The following PRKAR1B variants were observed in gnomAD, a reference collection of about 807,000 sequenced individuals.
The protein encoded by PRKAR1B is protein kinase cAMP-dependent type I regulatory subunit beta, also known as cAMP-dependent protein kinase type I-beta regulatory subunit.
A neutral mutation model predicts 46.5 loss-of-function variants in PRKAR1B; 22 were observed. The observed-to-expected ratio is 0.47, with a 90% CI of 0.34 to 0.68. The LOEUF (loss-of-function observed/expected upper bound fraction) is 0.68. Ranked by LOEUF, PRKAR1B falls within the 30% of genes least tolerant of loss-of-function variation. The probability of loss-of-function intolerance (pLI) is 0.01; values close to 1 mark genes in which losing one functional copy is unlikely to be tolerated. For missense variants in PRKAR1B, 445 were observed against 535.6 expected (o/e 0.83, Z 1.67); for synonymous variants, 259 against 217.7 (o/e 1.19, Z -1.67).
intron 4 of PRKAR1B, among the ~76,000 whole-genome samples, chr7:655,891 T>C (rs1194889346): frequency 6.6e-6 from 1 of 152,112 alleles, no homozygotes; most frequent in Non-Finnish European, 1.5e-5. Flanking sequence ...ACTTCCTGGG[T>C]CCATTGGGGA....
chr7:673,412 G>A lies in PRKAR1B; in HGVS notation c.440+3817C>T, dbSNP rs571290981. Among the ~76,000 whole-genome samples the A allele has an allele frequency of 4.6e-5, 7 of 152,216 alleles. No homozygotes were observed. In the East Asian group the frequency reaches 1.4e-3, roughly 29 times the overall value. ...CGCCTGTAATCCCAGCACTTTGGGAGGCCGAGGAGAGTGGATCACAAGGTC... is the reference window on the plus strand; with the variant it reads ...CGCCTGTAATCCCAGCACTTTGGGAAGCCGAGGAGAGTGGATCACAAGGTC... On this transcript the variant is annotated intron_variant, in intron 4 of 10. Transcript: ENST00000537384.
chr7:610,986 A>C (rs1782447585), intron 4 of PRKAR1B, among the ~76,000 whole-genome samples: 1 of 152,144 alleles, frequency 6.6e-6, no homozygotes, highest in African/African-American at 2.4e-5. Flanking sequence ...AAAAACACGA[A>C]GACATTCCAG....
intron 9 of PRKAR1B, among the ~76,000 whole-genome samples, chr7:573,504 C>T (rs999275804): frequency 6.6e-6 from 1 of 152,094 alleles, no homozygotes; most frequent in Non-Finnish European, 1.5e-5. Context: ...AGCATCTGAC[C>T]CCAGCACCCC....
intron 7 of PRKAR1B, among the ~76,000 whole-genome samples, chr7:595,288 T>C (rs748207448): frequency 8.5e-5 from 13 of 152,104 alleles, no homozygotes; most frequent in African/African-American, 2.4e-4. Flanking sequence ...AATGCCACCT[T>C]ATCAGGGGGG....
chr7:565,409 G>A (rs144994339), intron 9 of PRKAR1B: 19 of 152,356 alleles, frequency 1.2e-4, no homozygotes, highest in Non-Finnish European at 2.4e-4. Context: ...CCCTCATGAA[G>A]CAATGCATTC....
intron 8 of PRKAR1B, among the ~76,000 whole-genome samples, chr7:584,071 C>T (rs1012606466): frequency 1.3e-5 from 2 of 152,162 alleles, no homozygotes; most frequent in African/African-American, 2.4e-5. Context: ...AGGGCAGAGG[C>T]GGCTCCCAGA....
chr7:600,773 G>A (rs1182004205), intron 6 of PRKAR1B, among the ~76,000 whole-genome samples: 1 of 152,340 alleles, frequency 6.6e-6, no homozygotes, highest in Middle Eastern at 3.4e-3. Flanking sequence ...GGGAAGAGTC[G>A]AGCCCCAAAC....
At chr7:588,595 CGGTGGTGATGGTGAT>C (rs1381177668) in intron 7 of PRKAR1B, among the ~76,000 whole-genome samples, 29 of 24,010 alleles carry the variant, frequency 1.2e-3, no homozygotes, top group South Asian at 2.0e-3. Context: ...GTGGTGATGA[CGGTGGTGATGGTGAT>C]GGTGGTGATG....
chr7:644,587 G>A lies in PRKAR1B; in HGVS notation c.440+32642C>T, dbSNP rs764143499. ...TGAGGGGGCACCAGTCTGGCCATGC[G>A]AGTGCCCACAACTGGAAGGAAGCAA... On this transcript the variant is annotated intron_variant, in intron 4 of 10. Transcript: ENST00000537384. The surrounding 1 kb of genome is among the most constrained non-coding windows in gnomAD (Gnocchi z 4.9). 1.3e-5 allele frequency among the ~76,000 whole-genome samples: 2 copies of A among 152,166 alleles called. No homozygotes were observed. The highest frequency in any genetic ancestry group is 4.8e-5 in the African/African-American group (2 of 41,432).
At chr7:697,920 AGGG>A (rs1779835764) in intron 2 of PRKAR1B, among the ~76,000 whole-genome samples, 12 of 52,208 alleles carry the variant, frequency 2.3e-4, no homozygotes, top group African/African-American at 9.1e-4. Context: ...AAGGGAGGGG[AGGG>A]GAGGGGAGGG....
At chr7:572,406 G>T (rs1036097294) in intron 9 of PRKAR1B, among the ~76,000 whole-genome samples, 1 of 152,180 alleles carries the variant, frequency 6.6e-6, no homozygotes, top group South Asian at 2.1e-4. Flanking sequence ...ACCCAGGAGG[G>T]GCCTGCTCCT....
chr7:695,651 G>A (rs1779690253), intron 2 of PRKAR1B, among the ~76,000 whole-genome samples: 1 of 151,588 alleles, frequency 6.6e-6, no homozygotes, highest in Non-Finnish European at 1.5e-5. Flanking sequence ...GGTCAATAGG[G>A]CTTGTTTTTT....
In PRKAR1B at chr7:680,609, C is replaced by T. The variant is rs757483222; in HGVS notation, c.295G>A (p.Gly99Ser). ...PVVKARRRRGGVSAEVYTEED... is the reference protein window; with the variant it reads ...PVVKARRRRGSVSAEVYTEED... ...TCGGTGTACACCTCGGCACTCACGC[C>T]TCCTCGCCGGCGGCGGGCCTTCACC... The change falls in exon 3 of 11, where the codon GGC (glycine) becomes AGC (serine). Residue 99 changes from glycine to serine, a missense_variant. Physicochemically the swap from Gly to Ser is moderately conservative, Grantham distance 56. Transcript: ENST00000537384. 1.2e-6 allele frequency: 2 copies of T among 1,613,254 alleles called. No homozygotes were observed. Among genetic ancestry groups the T allele is most frequent in the Non-Finnish European group, 8.5e-7 (1 of 1,179,860 alleles).
At chr7:641,051 C>G (rs1328645005) in intron 4 of PRKAR1B, among the ~76,000 whole-genome samples, 1 of 152,040 alleles carries the variant, frequency 6.6e-6, no homozygotes, top group Non-Finnish European at 1.5e-5. Flanking sequence ...CTCCCGGGTT[C>G]ACGCCATTCT....
rs1156878205 is a variant in PRKAR1B at position 560,660 on chromosome 7, C to A, written c.892-9190G>T. Among the ~76,000 whole-genome samples the A allele has an allele frequency of 6.6e-6, 1 of 152,188 alleles. No individual in the cohort carries two copies. Among genetic ancestry groups the A allele is most frequent in the Non-Finnish European group, 1.5e-5 (1 of 68,032 alleles). On this transcript the variant is annotated intron_variant, in intron 9 of 10. Transcript: ENST00000537384. The surrounding 1 kb of genome is among the most constrained non-coding windows in gnomAD (Gnocchi z 4.2). Reference sequence around the variant, plus strand: ...CAGCCTCAGCTCTGCAATGCACCAGCCAGTCTCAGGCAAGGCCCATAGCTG... The same window carrying A: ...CAGCCTCAGCTCTGCAATGCACCAGACAGTCTCAGGCAAGGCCCATAGCTG...
intron 8 of PRKAR1B, among the ~76,000 whole-genome samples, chr7:583,380 T>G (rs1221180035): frequency 1.9e-5 from 1 of 52,740 alleles, no homozygotes; most frequent in African/African-American, 8.2e-5. Context: ...CACTCACACA[T>G]GTGCACACTC....
intron 4 of PRKAR1B, among the ~76,000 whole-genome samples, chr7:610,874 C>T (rs1782441949): frequency 6.6e-6 from 1 of 152,250 alleles, no homozygotes. Flanking sequence ...GGTTGCCCCA[C>T]CTACCCCATC....
At chr7:676,939 C>T (rs571535052) in intron 4 of PRKAR1B, among the ~76,000 whole-genome samples, 1 of 149,352 alleles carries the variant, frequency 6.7e-6, no homozygotes, top group Non-Finnish European at 1.5e-5. Flanking sequence ...GGCCTGCCCA[C>T]CTCCCGGAGG....
At chr7:677,073 A>C (rs1404428411) in intron 4 of PRKAR1B, among the ~76,000 whole-genome samples, 156 bp downstream of exon 4, 1 of 136,326 alleles carries the variant, frequency 7.3e-6, no homozygotes, top group Non-Finnish European at 1.6e-5. Context: ...AGGCCGGAGA[A>C]GGCAGCTGTG....
Sources: gnomAD v4.1 joint callset for allele counts (sites outside exome capture counted in the v4.1 genomes callset) on GRCh38, gnomAD v4.1.1 for gene constraint, Gnocchi (gnomAD v3.1) non-coding constraint, MANE v1.5 for transcripts, NCBI Gene and HGNC (gene_info 2026-07-23, HGNC 2026-07-21) for gene names.